Variants in NBPF15 observed in about 807,000 individuals in gnomAD.
NBPF15 encodes NBPF member 15, also known as NBPF family member NBPF15.
In NBPF15, 74 loss-of-function variants were observed where a neutral mutation model predicts 62.2. The ratio of observed to expected loss-of-function variants is 1.19; its 90% CI spans 0.99 to 1.44. NBPF15 has a LOEUF of 1.44. Ranked by LOEUF, NBPF15 falls within the 40% of genes most tolerant of loss-of-function variation. The probability of loss-of-function intolerance (pLI) is 0.00; values close to 1 mark genes in which losing one functional copy is unlikely to be tolerated. For synonymous variants in NBPF15, 244 were observed against 209.7 expected (o/e 1.16, Z -1.41); for missense variants, 790 against 550.0 (o/e 1.44, Z -4.36).
intron 21 of NBPF15, among the ~76,000 whole-genome samples, chr1:144,423,643 C>G (rs367663059): frequency 2.6e-4 from 39 of 152,100 alleles, no homozygotes; most frequent in Admixed American, 8.5e-4. Context: ...CAGTGGCCAT[C>G]AGAGTACAGC....
chr1:144,445,518 T>C (rs1686869298), intron 6 of NBPF15, among the ~76,000 whole-genome samples: 1 of 149,526 alleles, frequency 6.7e-6, no homozygotes, highest in Non-Finnish European at 1.5e-5. Flanking sequence ...ATAATCTTGA[T>C]TTTCATAGCT....
chr1:144,424,637 C>A (rs1319946117), intron 20 of NBPF15, 53 bp downstream of exon 20: 9 of 642,242 alleles, frequency 1.4e-5, no homozygotes, highest in Non-Finnish European at 1.4e-5. Flanking sequence ...GGAATATGAT[C>A]TTTATATGGA....
intron 13 of NBPF15, among the ~76,000 whole-genome samples, chr1:144,431,434 T>G (rs1239150022): frequency 6.6e-6 from 1 of 150,490 alleles, no homozygotes; most frequent in Admixed American, 6.6e-5. Flanking sequence ...TTCTTTTTTT[T>G]TCCATATGTA....
At chr1:144,444,613 A>G (rs1685923330) in intron 6 of NBPF15, among the ~76,000 whole-genome samples, 1 of 151,944 alleles carries the variant, frequency 6.6e-6, no homozygotes, top group Non-Finnish European at 1.5e-5. Context: ...TTATAGATTA[A>G]AAGAAGTTAA....
In NBPF15 at chr1:144,426,398, G is replaced by A. The variant is rs1553539251; in HGVS notation, c.1318C>T (p.Leu440=). 2 of 822,630 alleles carry A rather than the reference G, an allele frequency of 2.4e-6. No homozygotes were observed. Among genetic ancestry groups the A allele is most frequent in the Admixed American group, 1.7e-5 (1 of 58,882 alleles). 51.0% of individuals were successfully genotyped at this position (822,630 alleles called of 1,614,324 possible). The part of the protein sequence containing the change: ...EKEPEVLQDS[L]DRCYSTPSDY... ...GAAGGAGTCGAATAACATCTATCCA[G>A]TGAGTCCTGCAAGACTTCAGGCTCT... Residue 440 remains leucine, a synonymous_variant, in exon 18 of 22, where the codon CTG becomes TTG. Coordinates refer to ENST00000581897, the MANE Select transcript of NBPF15 (RefSeq NM_001385408.1).
intron 16 of NBPF15, among the ~76,000 whole-genome samples, chr1:144,427,426 T>C (rs1239982975): frequency 1.4e-5 from 2 of 147,718 alleles, no homozygotes; most frequent in Non-Finnish European, 3.0e-5. Flanking sequence ...ACTGCACTAT[T>C]CAGCCCTGTC....
chr1:144,445,184 C>A (rs1686416470), intron 6 of NBPF15, among the ~76,000 whole-genome samples: 1 of 148,988 alleles, frequency 6.7e-6, no homozygotes, highest in South Asian at 2.1e-4. Flanking sequence ...CTATTCAAGT[C>A]TTTTGAGAAA....
rs1335198439 is a variant in NBPF15 at position 144,426,898 on chromosome 1, A to G, written c.1265+149T>C. 8.8e-6 allele frequency: 5 copies of G among 566,680 alleles called. No individual in the cohort carries two copies. In the African/African-American group the frequency reaches 9.8e-5, roughly 11 times the overall value. The allele number at this position is 566,680 out of a possible 1,614,324, so 35.1% of individuals were successfully genotyped here. A position where few individuals can be genotyped will look rare whatever the true frequency, so the allele number is the denominator to read the frequency against. ...GGGAGGAAGAAATGGAAACCTAAAC[A>G]TCTACTGCAATGAAAACCAACAGCA... On this transcript the variant is annotated intron_variant, in intron 17 of 21. Coordinates refer to ENST00000581897, the MANE Select transcript of NBPF15 (RefSeq NM_001385408.1).
intron 8 of NBPF15, 132 bp from the exon 9 acceptor site, chr1:144,438,179 C>T (rs1680066262): frequency 4.1e-6 from 3 of 740,372 alleles, no homozygotes; most frequent in South Asian, 3.4e-5. Context: ...ACAGGGATTT[C>T]CACATCTTTA....
chr1:144,444,733 G>A (rs879997960), intron 6 of NBPF15, among the ~76,000 whole-genome samples: 1,624 of 151,924 alleles, frequency 0.011, 36 homozygotes, highest in Middle Eastern at 0.061. Flanking sequence ...ATAATTTCCA[G>A]GCCGTTTCCC....
chr1:144,425,209 G>A (rs1267110359), intron 19 of NBPF15, among the ~76,000 whole-genome samples: 1 of 120,070 alleles, frequency 8.3e-6, no homozygotes, highest in East Asian at 2.3e-4. Flanking sequence ...AGGACACACA[G>A]CATACAGTGA....
intron 3 of NBPF15, among the ~76,000 whole-genome samples, chr1:144,459,045 A>G (rs587615496): frequency 6.6e-6 from 1 of 150,652 alleles, no homozygotes; most frequent in Non-Finnish European, 1.5e-5. Flanking sequence ...GTCTGAAAAA[A>G]AAAAAGAAAT....
intron 6 of NBPF15, among the ~76,000 whole-genome samples, chr1:144,444,431 C>T (rs1429275410): frequency 6.6e-6 from 1 of 151,732 alleles, no homozygotes; most frequent in Admixed American, 6.6e-5. Context: ...TACTGGGGGT[C>T]TGAAGAAACT....
chr1:144,442,180 A>AATATATATACACGTGTATATATATAAT (rs1683714146), intron 6 of NBPF15, among the ~76,000 whole-genome samples: 1 of 96,372 alleles, frequency 1.0e-5, no homozygotes, highest in African/African-American at 4.3e-5. Context: ...ATATATATAT[A>AATATATATACACGTGTATATATATAAT]ATATATATAC....
At chr1:144,453,662 A>AAAAAAG (rs1165682772) in intron 4 of NBPF15, among the ~76,000 whole-genome samples, 50 of 86,732 alleles carry the variant, frequency 5.8e-4, no homozygotes, top group Non-Finnish European at 9.5e-4. Flanking sequence ...AAAAAAAAAA[A>AAAAAAG]GTGAAACATC....
Position 144,434,588 on chromosome 1 carries a change from C to G in NBPF15, c.772+523G>C, listed in dbSNP as rs1420045877. Among the ~76,000 whole-genome samples, 86 of 148,734 alleles carry G rather than the reference C, an allele frequency of 5.8e-4. 1 individual carries two copies. Among genetic ancestry groups the G allele is most frequent in the Non-Finnish European group, 1.1e-3 (73 of 67,586 alleles). On this transcript the variant is annotated intron_variant, in intron 12 of 21. Transcript: ENST00000581897. ...GACAGGGTGGAGAACCAGGGTCCAGCCTTGCTTTATGGAAATATATCAGCA... is the reference window on the plus strand; with the variant it reads ...GACAGGGTGGAGAACCAGGGTCCAGGCTTGCTTTATGGAAATATATCAGCA...
At chr1:144,448,311 G>T (rs1303471189) in intron 6 of NBPF15, among the ~76,000 whole-genome samples, 11 of 151,918 alleles carry the variant, frequency 7.2e-5, no homozygotes, top group Admixed American at 1.3e-4. Context: ...ATCCTAAGGC[G>T]TCCAGTTGAA....
intron 4 of NBPF15, among the ~76,000 whole-genome samples, chr1:144,452,173 A>G (rs1314077115): frequency 5.9e-5 from 9 of 151,990 alleles, no homozygotes; most frequent in Admixed American, 6.6e-5. Context: ...GATAAAATAA[A>G]ATAAAGACGG....
chr1:144,453,206 C>T (rs1468565543), intron 4 of NBPF15, among the ~76,000 whole-genome samples: 3 of 149,986 alleles, frequency 2.0e-5, no homozygotes, highest in African/African-American at 7.4e-5. Flanking sequence ...ACTGATCTTC[C>T]ATGGAGGTTT....
Sources: allele counts gnomAD v4.1 joint callset (sites outside exome capture counted in the v4.1 genomes callset), GRCh38; gene constraint gnomAD v4.1.1; transcripts MANE v1.5; gene names NCBI Gene and HGNC (gene_info 2026-07-23, HGNC 2026-07-21).